Variants in TTLL7 observed in about 807,000 individuals in gnomAD.
The protein encoded by TTLL7 is tubulin tyrosine ligase like 7.
In TTLL7, 53 loss-of-function variants were observed where a neutral mutation model predicts 120.2. The observed-to-expected ratio is 0.44, with a 90% CI of 0.35 to 0.55. TTLL7 has a LOEUF of 0.55. Ranked by LOEUF, TTLL7 falls within the 20% of genes least tolerant of loss-of-function variation. TTLL7 has a pLI of 0.00. For missense variants in TTLL7, 803 were observed against 1,054.7 expected (o/e 0.76, Z 3.31); for synonymous variants, 353 against 351.7 (o/e 1.00, Z -0.04).
In TTLL7 at chr1:83,956,196, A is replaced by G. The variant is rs1344091273; in HGVS notation, c.-176-3809T>C. ...TAATCTTGAACTCTTGGGCTCCACA[A>G]TCCTCCTGCTTCAACCTCCCAAGTA... On this transcript the variant is annotated intron_variant, in intron 1 of 20. Transcript: ENST00000260505. 2.6e-5 allele frequency among the ~76,000 whole-genome samples: 4 copies of G among 152,172 alleles called. No individual in the cohort carries two copies. In the East Asian group the frequency reaches 5.8e-4, roughly 22 times the overall value.
At chr1:83,928,787 T>C (rs1659347975) in intron 10 of TTLL7, among the ~76,000 whole-genome samples, 1 of 152,114 alleles carries the variant, frequency 6.6e-6, no homozygotes, top group Admixed American at 6.6e-5. Flanking sequence ...TATTTACCAA[T>C]TTAATCTTGT....
At chr1:83,874,376 T>C (rs1163936488) in intron 20 of TTLL7, among the ~76,000 whole-genome samples, 2 of 152,084 alleles carry the variant, frequency 1.3e-5, no homozygotes, top group Non-Finnish European at 2.9e-5. Context: ...CAACTGTTGA[T>C]GGGCATGGGT....
rs115954274 is a variant in TTLL7 at position 83,982,409 on chromosome 1, T to C, written c.-177+16522A>G. Among the ~76,000 whole-genome samples, 691 of 152,088 alleles carry C rather than the reference T, an allele frequency of 4.5e-3. 10 individuals carry two copies. The highest frequency in any genetic ancestry group is 0.016 in the African/African-American group (658 of 41,514). On this transcript the variant is annotated intron_variant, in intron 1 of 20. Coordinates refer to ENST00000260505, the MANE Select transcript of TTLL7 (RefSeq NM_024686.6). The stretch of plus-strand genomic sequence containing the variant: ...CCAAAGTAGACAGAAAAAAAACTTA[T>C]ATAAATATAAGAAATCAATGAAACT...
At chr1:83,949,062 A>G (rs184768878) in intron 4 of TTLL7, 14 of 162,622 alleles carry the variant, frequency 8.6e-5, no homozygotes, top group Non-Finnish European at 9.4e-5. Flanking sequence ...AGTCAATTTT[A>G]TATTACCTTC....
chr1:83,913,554 C>T (rs1229323430), intron 14 of TTLL7, among the ~76,000 whole-genome samples: 1 of 152,164 alleles, frequency 6.6e-6, no homozygotes, highest in South Asian at 2.1e-4. Context: ...TACCATCCCT[C>T]TAAAAAGGAA....
chr1:83,939,817 C>A (rs1357444317), intron 7 of TTLL7, among the ~76,000 whole-genome samples: 1 of 152,062 alleles, frequency 6.6e-6, no homozygotes, highest in Non-Finnish European at 1.5e-5. Context: ...AATACATGCT[C>A]ACTATTTTAA....
chr1:83,982,104 T>C (rs1485604255), intron 1 of TTLL7, among the ~76,000 whole-genome samples: 1 of 152,216 alleles, frequency 6.6e-6, no homozygotes, highest in Non-Finnish European at 1.5e-5. Flanking sequence ...CTGACTAGAT[T>C]GAATTAAACT....
At chr1:83,923,242 G>A (rs989773621) in intron 10 of TTLL7, among the ~76,000 whole-genome samples, 1 of 139,104 alleles carries the variant, frequency 7.2e-6, no homozygotes. Flanking sequence ...GATAAAATTT[G>A]TCCATTTTAT....
At chr1:83,960,633 A>C (rs1294799569) in intron 1 of TTLL7, among the ~76,000 whole-genome samples, 1 of 152,132 alleles carries the variant, frequency 6.6e-6, no homozygotes, top group African/African-American at 2.4e-5. Flanking sequence ...ACAGAAAATA[A>C]GACAATAGAA....
chr1:83,962,338 C>A (rs1650084859), intron 1 of TTLL7, among the ~76,000 whole-genome samples: 1 of 152,060 alleles, frequency 6.6e-6, no homozygotes, highest in South Asian at 2.1e-4. Context: ...TTTAACTTTT[C>A]CTTTGACCTC....
intron 19 of TTLL7, among the ~76,000 whole-genome samples, chr1:83,888,673 A>G (rs116330952): frequency 0.026 from 3,927 of 152,066 alleles, 66 homozygotes; most frequent in Middle Eastern, 0.038. Flanking sequence ...AGTTCAGAGG[A>G]AGAAAACGAC....
intron 19 of TTLL7, chr1:83,885,100 A>C: frequency 3.4e-6 from 1 of 293,764 alleles, no homozygotes; most frequent in Non-Finnish European, 5.1e-6. Context: ...AAAAGCTGGA[A>C]AAATTAATTA....
chr1:83,947,221 C>G lies in TTLL7; in HGVS notation c.409G>C (p.Glu137Gln). The G allele has an allele frequency of 6.2e-7, 1 of 1,612,470 alleles. No individual in the cohort carries two copies. Among genetic ancestry groups the G allele is most frequent in the Non-Finnish European group, 8.5e-7 (1 of 1,179,474 alleles). The change falls in exon 6 of 21, where the codon GAA (glutamate) becomes CAA (glutamine). Residue 137 changes from glutamate (E) to glutamine (Q), a missense_variant. Physicochemically the swap from Glu to Gln is conservative, Grantham distance 29. Coordinates refer to ENST00000260505, the MANE Select transcript of TTLL7 (RefSeq NM_024686.6). ...ACATAATTTTGGAATTGAGTATATTCAGCAGGAAAGATCCAAGTTCGAGGA... is the reference window on the plus strand; with the variant it reads ...ACATAATTTTGGAATTGAGTATATTGAGCAGGAAAGATCCAAGTTCGAGGA... ...FVPRTWIFPA[E>Q]YTQFQNYVKE...
intron 15 of TTLL7, 24 bp from the exon 16 acceptor site, chr1:83,907,685 T>C: frequency 6.2e-7 from 1 of 1,601,222 alleles, no homozygotes; most frequent in Non-Finnish European, 8.5e-7. Context: ...AGAAGAGGGA[T>C]ACTACAGTAG....
chr1:83,935,202 A>C (rs1227389445), intron 8 of TTLL7, among the ~76,000 whole-genome samples: 3 of 152,144 alleles, frequency 2.0e-5, no homozygotes, highest in Non-Finnish European at 4.4e-5. Flanking sequence ...CTTTATATAA[A>C]TCTTCACCAA....
intron 1 of TTLL7, among the ~76,000 whole-genome samples, chr1:83,988,559 CT>C (rs1652694565): frequency 6.6e-6 from 1 of 152,140 alleles, no homozygotes; most frequent in Non-Finnish European, 1.5e-5. Context: ...TGGTTTTTGA[CT>C]TTTCGTTAGT....
At chr1:83,881,171 A>G (rs1211088473) in intron 20 of TTLL7, among the ~76,000 whole-genome samples, 2 of 151,830 alleles carry the variant, frequency 1.3e-5, no homozygotes, top group Non-Finnish European at 2.9e-5. Flanking sequence ...CATTCAGGAC[A>G]TAGGCATGGG....
intron 8 of TTLL7, among the ~76,000 whole-genome samples, chr1:83,935,810 T>C (rs773761757): frequency 1.7e-4 from 26 of 152,170 alleles, no homozygotes; most frequent in Non-Finnish European, 3.2e-4. Context: ...TCATTCTCTT[T>C]TTATATTATC....
intron 1 of TTLL7, among the ~76,000 whole-genome samples, chr1:83,975,496 T>C (rs1055261699): frequency 6.6e-6 from 1 of 152,098 alleles, no homozygotes; most frequent in Non-Finnish European, 1.5e-5. Flanking sequence ...TCAGAACCTT[T>C]GTAAACAGAT....
Sources: allele counts gnomAD v4.1 joint callset (sites outside exome capture counted in the v4.1 genomes callset), GRCh38; gene constraint gnomAD v4.1.1; transcripts MANE v1.5; gene names NCBI Gene and HGNC (gene_info 2026-07-23, HGNC 2026-07-21).